The following THADA variants were observed in gnomAD, a reference collection of about 807,000 sequenced individuals.
THADA encodes the protein tRNA (32-2'-O)-methyltransferase regulator THADA.
In THADA, 213 loss-of-function variants were observed where a neutral mutation model predicts 219.8. The observed-to-expected ratio is 0.97, with a 90% CI of 0.87 to 1.09. THADA has a LOEUF of 1.09. THADA is among the 50% of genes least tolerant of loss of function. The pLI is 0.00. For synonymous variants in THADA, 1,018 were observed against 828.9 expected, an observed-to-expected ratio of 1.23 and a Z score of -3.92; for missense variants, 2,956 against 2,311.3, an observed-to-expected ratio of 1.28 and a Z score of -5.72.
At chr2:43,577,402 T>A (rs1699974584) in intron 9 of THADA, among the ~76,000 whole-genome samples, 160 bp from the exon 10 acceptor site, 1 of 152,100 alleles carries the variant, frequency 6.6e-6, no homozygotes, top group African/African-American at 2.4e-5. Context: ...ATTGTATTAG[T>A]ATTAAAGGAA....
intron 14 of THADA, among the ~76,000 whole-genome samples, chr2:43,567,952 A>T (rs1355825599): frequency 2.0e-5 from 3 of 152,106 alleles, no homozygotes; most frequent in African/African-American, 7.2e-5. Context: ...TATGTCATTC[A>T]CATCAGTGAA....
intron 29 of THADA, among the ~76,000 whole-genome samples, chr2:43,370,355 G>C (rs1047950008): frequency 1.3e-5 from 2 of 152,164 alleles, no homozygotes; most frequent in South Asian, 2.1e-4. Flanking sequence ...ATGCTGGAGA[G>C]ATCTCAGAGT....
chr2:43,292,252 G>T, intron 32 of THADA, 30 bp from the exon 33 acceptor site: 1 of 1,395,192 alleles, frequency 7.2e-7, no homozygotes, highest in Non-Finnish European at 9.9e-7. Flanking sequence ...ACACAAAAAA[G>T]AGAAATAAAT....
At position 43,398,038 on chromosome 2, in the gene THADA, AAC is replaced by A. The variant is rs778017247; in HGVS notation, c.4158_4159del (p.Leu1387ValfsTer8). 1 of 1,614,030 alleles carries A rather than the reference AAC, an allele frequency of 6.2e-7. No homozygotes were observed. Among genetic ancestry groups the A allele is most frequent in the South Asian group, 1.1e-5 (1 of 91,088 alleles). On this transcript the variant is annotated frameshift_variant, in exon 29 of 38. Coordinates refer to ENST00000405975, the MANE Select transcript of THADA (RefSeq NM_022065.5). LOFTEE classifies it high-confidence loss of function. Reference sequence around the variant, plus strand: ...GTCAGTGCAGCTGGGGAGTGTGGACAACAGAGTTCGAATGGTATTAGGAATGT... The same window carrying A: ...GTCAGTGCAGCTGGGGAGTGTGGACAAGAGTTCGAATGGTATTAGGAATGT...
At chr2:43,485,521 C>T (rs1686812722) in intron 25 of THADA, among the ~76,000 whole-genome samples, 196 bp from the exon 26 acceptor site, 1 of 152,092 alleles carries the variant, frequency 6.6e-6, no homozygotes, top group South Asian at 2.1e-4. Flanking sequence ...TTGAGCTCTA[C>T]AACCCAATCA....
chr2:43,287,510 T>C (rs1248723718), intron 34 of THADA, among the ~76,000 whole-genome samples: 1 of 152,180 alleles, frequency 6.6e-6, no homozygotes. Flanking sequence ...TTGGTCAGGC[T>C]GGTCTCAAAC....
chr2:43,327,616 C>A (rs1164646506), intron 30 of THADA, among the ~76,000 whole-genome samples: 1 of 152,108 alleles, frequency 6.6e-6, no homozygotes, highest in East Asian at 1.9e-4. Context: ...TTAAAATTCA[C>A]TTCAAGCTGG....
At chr2:43,457,659 TTA>T (rs1409603035) in intron 26 of THADA, among the ~76,000 whole-genome samples, 2 of 152,304 alleles carry the variant, frequency 1.3e-5, no homozygotes, top group African/African-American at 2.4e-5. Flanking sequence ...TCAGAGGATT[TTA>T]TGACTATACA....
intron 26 of THADA, among the ~76,000 whole-genome samples, chr2:43,484,117 CT>C (rs1462484933): frequency 6.6e-6 from 1 of 151,972 alleles, no homozygotes; most frequent in Non-Finnish European, 1.5e-5. Context: ...AAAAAGCTCT[CT>C]GGTATTGCCT....
At chr2:43,264,903 C>T (rs1671349955) in intron 36 of THADA, among the ~76,000 whole-genome samples, 1 of 152,228 alleles carries the variant, frequency 6.6e-6, no homozygotes. Context: ...AATGAACCCA[C>T]TTTGCTGGCA....
intron 36 of THADA, among the ~76,000 whole-genome samples, chr2:43,255,183 CCA>C (rs1291088910): frequency 6.6e-6 from 1 of 152,146 alleles, no homozygotes; most frequent in East Asian, 1.9e-4. Flanking sequence ...GAGGGACGTA[CCA>C]CATTCTTCTC....
intron 36 of THADA, among the ~76,000 whole-genome samples, chr2:43,271,821 G>T (rs950682788): frequency 6.6e-6 from 1 of 151,934 alleles, no homozygotes; most frequent in Admixed American, 6.6e-5. Flanking sequence ...CACCATGTTG[G>T]CCAGGCTGGT....
At chr2:43,401,039 C>T (rs989229928) in intron 28 of THADA, among the ~76,000 whole-genome samples, 4 of 152,116 alleles carry the variant, frequency 2.6e-5, no homozygotes, top group Non-Finnish European at 5.9e-5. Context: ...AAAACAAATA[C>T]ACTTAAGGTC....
At chr2:43,539,276 G>A (rs1019170738) in intron 21 of THADA, among the ~76,000 whole-genome samples, 3 of 152,190 alleles carry the variant, frequency 2.0e-5, no homozygotes, top group Non-Finnish European at 4.4e-5. Flanking sequence ...TATGCTCTTG[G>A]AAGGGTGTAC....
intron 26 of THADA, among the ~76,000 whole-genome samples, chr2:43,450,295 C>T (rs529584736): frequency 6.6e-6 from 1 of 151,998 alleles, no homozygotes; most frequent in African/African-American, 2.4e-5. Flanking sequence ...AAAAATAAAA[C>T]AACTACTAAT....
At chr2:43,524,576 G>A (rs566725663) in intron 22 of THADA, among the ~76,000 whole-genome samples, 2 of 152,154 alleles carry the variant, frequency 1.3e-5, no homozygotes, top group South Asian at 2.1e-4. Context: ...CTTATAAAAC[G>A]CTCTCAAAAG....
At chr2:43,437,070 C>A (rs1007583146) in intron 26 of THADA, among the ~76,000 whole-genome samples, 2 of 152,162 alleles carry the variant, frequency 1.3e-5, no homozygotes, top group African/African-American at 4.8e-5. Flanking sequence ...TTTGCACACC[C>A]TGTGGTTGGT....
chr2:43,575,146 T>C (rs1699726244), intron 10 of THADA, 119 bp from the exon 11 acceptor site: 2 of 814,068 alleles, frequency 2.5e-6, no homozygotes, highest in Non-Finnish European at 3.7e-6. Context: ...ATTTCAATTA[T>C]TAAATTTACA....
chr2:43,594,511 G>T (rs1456780865), intron 1 of THADA, among the ~76,000 whole-genome samples: 1 of 152,124 alleles, frequency 6.6e-6, no homozygotes, highest in Non-Finnish European at 1.5e-5. Context: ...TTGAACCCAG[G>T]AGGCAGAGGT....
Sources: allele counts gnomAD v4.1 joint callset (sites outside exome capture counted in the v4.1 genomes callset), GRCh38; gene constraint gnomAD v4.1.1; transcripts MANE v1.5; gene names NCBI Gene and HGNC (gene_info 2026-07-23, HGNC 2026-07-21).